The following LRP1B variants were observed in gnomAD, a reference collection of about 807,000 sequenced individuals.
LRP1B encodes low-density lipoprotein receptor-related protein 1B.
A neutral mutation model predicts 556.6 loss-of-function variants in LRP1B; 217 were observed. The ratio of observed to expected loss-of-function variants is 0.39; its 90% CI spans 0.35 to 0.44. The LOEUF is 0.44. Among genes scored for constraint, LRP1B ranks in the 20% least tolerant of loss-of-function variants. The pLI, the probability that LRP1B is intolerant of heterozygous loss-of-function variation, is 1.00. For synonymous variants in LRP1B, 2,047 were observed against 1,865.8 expected, an observed-to-expected ratio of 1.10 and a Z score of -2.50; for missense variants, 5,053 against 5,620.8, an observed-to-expected ratio of 0.90 and a Z score of 3.23.
Position 140,702,521 on chromosome 2 carries a change from G to A in LRP1B, c.6056C>T (p.Pro2019Leu), listed in dbSNP as rs2105430741. 1.2e-6 allele frequency: 2 copies of A among 1,613,170 alleles called. No individual in the cohort carries two copies. The highest frequency in any genetic ancestry group is 1.1e-5 in the South Asian group (1 of 91,056). ...ATCCAAGCGAGCCTTTCCAATACAG[G>A]GCATTTGTCCCCATTCAGTCCAGAA... ...LLFWTEWGQM[P>L]CIGKARLDGS... Residue 2019 changes from proline (P) to leucine (L), a missense_variant, in exon 38 of 91, where the codon CCC becomes CTC. Coordinates refer to ENST00000389484, the MANE Select transcript of LRP1B (RefSeq NM_018557.3).
At chr2:142,081,877 G>T (rs1225793457) in intron 1 of LRP1B, among the ~76,000 whole-genome samples, 1 of 152,116 alleles carries the variant, frequency 6.6e-6, no homozygotes, top group East Asian at 1.9e-4. Context: ...TTTGTGAGTT[G>T]GTAATATTAT....
rs79244135 is a variant in LRP1B at position 140,364,213 on chromosome 2, A to G, written c.11131+448T>C. Among the ~76,000 whole-genome samples the G allele has an allele frequency of 7.5e-3, 1,139 of 151,748 alleles. 28 individuals carry two copies. The East Asian group carries it at 0.086, about 11-fold the overall frequency. On this transcript the variant is annotated intron_variant, in intron 72 of 90. Transcript: ENST00000389484. The stretch of plus-strand genomic sequence containing the variant: ...GATATGTGGATAGATAGATATACAG[A>G]TAGATGATTGATAGATACAGAGATA...
At chr2:141,743,638 A>G (rs1300034022) in intron 2 of LRP1B, among the ~76,000 whole-genome samples, 1 of 151,164 alleles carries the variant, frequency 6.6e-6, no homozygotes, top group East Asian at 2.0e-4. Flanking sequence ...GTTTAATGTT[A>G]TTACTTGTTA....
At chr2:140,412,269 T>C (rs1053529337) in intron 66 of LRP1B, among the ~76,000 whole-genome samples, 1 of 152,118 alleles carries the variant, frequency 6.6e-6, no homozygotes, top group African/African-American at 2.4e-5. Flanking sequence ...AATAATTTCA[T>C]TGGTAATAAT....
chr2:140,615,367 C>G (rs1683219550), intron 41 of LRP1B, among the ~76,000 whole-genome samples: 1 of 152,058 alleles, frequency 6.6e-6, no homozygotes, highest in Non-Finnish European at 1.5e-5. Flanking sequence ...TCAATAAACC[C>G]TAACCTCCTA....
intron 35 of LRP1B, among the ~76,000 whole-genome samples, chr2:140,760,500 C>T (rs1222992565): frequency 4.6e-5 from 7 of 152,196 alleles, no homozygotes; most frequent in African/African-American, 1.7e-4. Context: ...TGCTCCCTAG[C>T]TTGGCCTTCT....
At chr2:140,517,941 C>G (rs10208453) in intron 49 of LRP1B, among the ~76,000 whole-genome samples, 1 of 151,960 alleles carries the variant, frequency 6.6e-6, no homozygotes, top group African/African-American at 2.4e-5. Flanking sequence ...GAACTTCTGA[C>G]GTCATGATCC....
At chr2:140,369,539 G>A (rs1471904257) in intron 71 of LRP1B, among the ~76,000 whole-genome samples, 1 of 151,846 alleles carries the variant, frequency 6.6e-6, no homozygotes, top group African/African-American at 2.4e-5. Flanking sequence ...GCCTAAGGTA[G>A]AAAGAGCCGT....
At chr2:141,351,099 C>G (rs964117778) in intron 3 of LRP1B, among the ~76,000 whole-genome samples, 1 of 151,998 alleles carries the variant, frequency 6.6e-6, no homozygotes, top group Non-Finnish European at 1.5e-5. Context: ...ATCGCCACAC[C>G]AACATGCACA....
At chr2:141,408,141 A>ATTTTTTTTTTTT (rs35914905) in intron 3 of LRP1B, among the ~76,000 whole-genome samples, 1 of 123,970 alleles carries the variant, frequency 8.1e-6, no homozygotes. Flanking sequence ...ATTTGGTTCA[A>ATTTTTTTTTTTT]TTTTTTTTTT....
At chr2:142,047,524 G>GT (rs34777357) in intron 1 of LRP1B, among the ~76,000 whole-genome samples, 6,351 of 148,498 alleles carry the variant, frequency 0.043, 431 homozygotes, top group African/African-American at 0.15. Context: ...GATATTTTAT[G>GT]TTTTTTTTTT....
intron 68 of LRP1B, among the ~76,000 whole-genome samples, chr2:140,375,329 T>C (rs1353296895): frequency 6.6e-6 from 1 of 152,018 alleles, no homozygotes; most frequent in Non-Finnish European, 1.5e-5. Context: ...TCTCAGATGT[T>C]AGCAGCTCAT....
intron 2 of LRP1B, among the ~76,000 whole-genome samples, chr2:141,539,980 T>C (rs1320535389): frequency 6.6e-6 from 1 of 152,086 alleles, no homozygotes; most frequent in Non-Finnish European, 1.5e-5. Flanking sequence ...AGACAATGTA[T>C]GTTACTATAA....
intron 41 of LRP1B, among the ~76,000 whole-genome samples, chr2:140,611,589 G>A (rs143314963): frequency 6.6e-5 from 10 of 151,990 alleles, no homozygotes; most frequent in Admixed American, 5.9e-4. Context: ...CAAAGAAAAG[G>A]AATAAGTACA....
chr2:140,529,492 A>G (rs576345669), intron 47 of LRP1B, among the ~76,000 whole-genome samples: 1 of 151,802 alleles, frequency 6.6e-6, no homozygotes, highest in African/African-American at 2.4e-5. Context: ...TTCAAACAAC[A>G]TCTTTTATTT....
At chr2:141,628,130 T>TA (rs1282050351) in intron 2 of LRP1B, among the ~76,000 whole-genome samples, 5 of 152,318 alleles carry the variant, frequency 3.3e-5, no homozygotes, top group African/African-American at 1.2e-4. Context: ...TTGCTGTACT[T>TA]ACAAATCTTC....
At chr2:141,094,598 C>G (rs1700249455) in intron 7 of LRP1B, among the ~76,000 whole-genome samples, 1 of 152,106 alleles carries the variant, frequency 6.6e-6, no homozygotes, top group Non-Finnish European at 1.5e-5. Flanking sequence ...TAATTAAAAC[C>G]ATTCAACCTT....
intron 41 of LRP1B, among the ~76,000 whole-genome samples, chr2:140,678,845 T>C (rs1685765058): frequency 1.3e-5 from 2 of 151,658 alleles, no homozygotes; most frequent in Admixed American, 6.6e-5. Flanking sequence ...TGGCATAGTC[T>C]TGGCTCACTG....
chr2:140,578,689 A>T (rs2105128883), intron 43 of LRP1B, among the ~76,000 whole-genome samples: 1 of 152,212 alleles, frequency 6.6e-6, no homozygotes, highest in Admixed American at 6.5e-5. Flanking sequence ...ATGTATACAT[A>T]TGTAACAAAC....
Sources: gnomAD v4.1 joint callset for allele counts (sites outside exome capture counted in the v4.1 genomes callset) on GRCh38, gnomAD v4.1.1 for gene constraint, MANE v1.5 for transcripts, NCBI Gene and HGNC (gene_info 2026-07-23, HGNC 2026-07-21) for gene names.